REPS2: variants seen among roughly 807,000 people sequenced by gnomAD.
REPS2 encodes ralBP1-associated Eps domain-containing protein 2.
A neutral mutation model predicts 53.6 loss-of-function variants in REPS2; 23 were observed. The observed-to-expected ratio is 0.43, with a 90% CI of 0.31 to 0.61. REPS2 has a LOEUF of 0.61. Among genes scored for constraint, REPS2 ranks in the 20% least tolerant of loss-of-function variants. The pLI is 0.11. For missense variants in REPS2, 446 were observed against 534.9 expected, an observed-to-expected ratio of 0.83 and a Z score of 1.64; for synonymous variants, 238 against 218.6, an observed-to-expected ratio of 1.09 and a Z score of -0.78.
At chrX:17,026,990 C>T (rs2061653435) in intron 4 of REPS2, among the ~76,000 whole-genome samples, 1 of 111,109 alleles carries the variant, frequency 9.0e-6, no homozygotes, top group East Asian at 2.8e-4. Flanking sequence ...GATGGGATTT[C>T]GCCATGTTGC....
intron 13 of REPS2, among the ~76,000 whole-genome samples, chrX:17,090,940 T>A (rs1354434144): frequency 8.9e-6 from 1 of 112,261 alleles, no homozygotes; most frequent in Non-Finnish European, 1.9e-5. Context: ...AATCTCTTCG[T>A]ATATGAATAT....
chrX:17,164,415 A>C, the REPS2 span, among the ~76,000 whole-genome samples: 1 of 112,446 alleles, frequency 8.9e-6, no homozygotes, highest in Admixed American at 9.4e-5. Context: ...ATCATGAAAC[A>C]GTAATCAAAA....
intron 1 of REPS2, among the ~76,000 whole-genome samples, chrX:16,957,013 A>G (rs1456732202): frequency 8.9e-6 from 1 of 112,656 alleles, no homozygotes; most frequent in Admixed American, 9.4e-5. Flanking sequence ...GTTTACAAGA[A>G]AAATACTTTG....
chrX:16,972,438 G>A (rs1057143135), intron 1 of REPS2, among the ~76,000 whole-genome samples: 1 of 111,921 alleles, frequency 8.9e-6, no homozygotes, highest in South Asian at 3.7e-4. Flanking sequence ...ATGCTAAGTC[G>A]TAGACTACTG....
At chrX:17,165,674 C>T in the REPS2 span, among the ~76,000 whole-genome samples, 2 of 111,035 alleles carry the variant, frequency 1.8e-5, no homozygotes. Flanking sequence ...GGCCTAATGT[C>T]GAAGCATCAT....
At chrX:17,189,648 C>CCT in the REPS2 span, among the ~76,000 whole-genome samples, 14,602 of 105,272 alleles carry the variant, frequency 0.14, 858 homozygotes, top group African/African-American at 0.18. Flanking sequence ...TCCTCTCTCT[C>CCT]CTCTCTCTCT....
chrX:17,117,585 C>T (rs1302843211), intron 14 of REPS2, among the ~76,000 whole-genome samples: 1 of 111,064 alleles, frequency 9.0e-6, no homozygotes, highest in Non-Finnish European at 1.9e-5. Flanking sequence ...TCATCCATGT[C>T]CCTACAAAGG....
At chrX:17,089,190 A>G (rs1402650720) in intron 13 of REPS2, among the ~76,000 whole-genome samples, 1 of 111,277 alleles carries the variant, frequency 9.0e-6, no homozygotes, top group East Asian at 2.8e-4. Flanking sequence ...ACTTGGAAAT[A>G]ATATATCTAT....
chrX:16,947,234 G>A, intron 1 of REPS2, 100 bp downstream of exon 1: 1 of 919,338 alleles, frequency 1.1e-6, no homozygotes, highest in Non-Finnish European at 1.3e-6. Context: ...GGGACCCGGA[G>A]GCCTCGGCCA....
At position 16,966,868 on chromosome X, in the gene REPS2, A is replaced by C. The variant is rs143569134; in HGVS notation, c.273+19734A>C. The stretch of plus-strand genomic sequence containing the variant: ...TTTAGAACATTTTATGTATTAACTA[A>C]TTTATTCCTGTAAACATTCTTGACA... On this transcript the variant is annotated intron_variant, in intron 1 of 17. Coordinates refer to ENST00000357277, the MANE Select transcript of REPS2 (RefSeq NM_004726.3). 3.8e-3 allele frequency among the ~76,000 whole-genome samples: 426 copies of C among 112,440 alleles called. 2 individuals carry two copies. The highest frequency in any genetic ancestry group is 0.013 in the African/African-American group (401 of 30,971).
chrX:17,168,972 C>T, the REPS2 span, among the ~76,000 whole-genome samples: 2 of 112,334 alleles, frequency 1.8e-5, no homozygotes, highest in Admixed American at 1.9e-4. Flanking sequence ...CCTCAGGTAG[C>T]TCAGTACCAT....
chrX:17,083,922 C>A (rs1188298317), intron 13 of REPS2, among the ~76,000 whole-genome samples: 1 of 110,518 alleles, frequency 9.0e-6, no homozygotes, highest in African/African-American at 3.3e-5. Context: ...GAGATGTAAC[C>A]CATATACTAT....
chrX:17,073,755 A>C (rs1170200762), intron 11 of REPS2, among the ~76,000 whole-genome samples: 1 of 106,988 alleles, frequency 9.3e-6, no homozygotes, highest in Admixed American at 1.0e-4. Flanking sequence ...TTACTAGACT[A>C]TCATGATAGA....
chrX:16,996,512 G>C (rs898893602), intron 1 of REPS2, among the ~76,000 whole-genome samples: 1 of 112,055 alleles, frequency 8.9e-6, no homozygotes, highest in African/African-American at 3.2e-5. Flanking sequence ...TTCAGAGAGA[G>C]CTGCCAGAAT....
chrX:17,019,938 A>G (rs910347543), intron 2 of REPS2, among the ~76,000 whole-genome samples: 1 of 112,586 alleles, frequency 8.9e-6, no homozygotes, highest in Non-Finnish European at 1.9e-5. Flanking sequence ...AAAGTTTTCC[A>G]TGATAAGAAT....
chrX:17,182,140 G>GTCTATCTATCTA, the REPS2 span, among the ~76,000 whole-genome samples: 19 of 101,253 alleles, frequency 1.9e-4, no homozygotes, highest in South Asian at 9.4e-4. Flanking sequence ...TGCTCTATCT[G>GTCTATCTATCTA]TCTATCTATC....
At chrX:17,159,769 T>C in the REPS2 span, among the ~76,000 whole-genome samples, 3 of 111,382 alleles carry the variant, frequency 2.7e-5, no homozygotes, top group African/African-American at 9.8e-5. Context: ...CATTGGGAAA[T>C]AGAAGATGTG....
At chrX:16,959,542 T>TG (rs1169077281) in intron 1 of REPS2, among the ~76,000 whole-genome samples, 2 of 111,765 alleles carry the variant, frequency 1.8e-5, no homozygotes, top group Non-Finnish European at 3.8e-5. Context: ...AAGGTTGCTA[T>TG]GGGAATGGAG....
intron 13 of REPS2, among the ~76,000 whole-genome samples, chrX:17,081,328 G>A (rs1236211298): frequency 9.0e-6 from 1 of 111,547 alleles, no homozygotes; most frequent in Admixed American, 9.5e-5. Flanking sequence ...TGTTACATAG[G>A]AGTGATGATG....
Sources: allele counts gnomAD v4.1 joint callset (sites outside exome capture counted in the v4.1 genomes callset), GRCh38; gene constraint gnomAD v4.1.1; transcripts MANE v1.5; gene names NCBI Gene and HGNC (gene_info 2026-07-23, HGNC 2026-07-21).